EBF3: variants seen among roughly 807,000 people sequenced by gnomAD.
The protein encoded by EBF3 is transcription factor COE3.
A neutral mutation model predicts 77.1 loss-of-function variants in EBF3; 18 were observed. The ratio of observed to expected loss-of-function variants is 0.23; its 90% CI spans 0.16 to 0.35. The LOEUF is 0.35. EBF3 is among the 10% of genes least tolerant of loss of function. The probability of loss-of-function intolerance (pLI) is 1.00; values close to 1 mark genes in which losing one functional copy is unlikely to be tolerated. For missense variants in EBF3, 558 were observed against 860.0 expected, an observed-to-expected ratio of 0.65 and a Z score of 4.39; for synonymous variants, 350 against 343.5, an observed-to-expected ratio of 1.02 and a Z score of -0.21.
At position 129,942,673 on chromosome 10, in the gene EBF3, C is replaced by T. The variant is rs533162633; in HGVS notation, c.554+14585G>A. On this transcript the variant is annotated intron_variant, in intron 6 of 16. Transcript: ENST00000440978. ...CCTCTCTGCTCTTTTACGCATGCCA[C>T]GATCACATTTATTTCTTCTAAATAA... Among the ~76,000 whole-genome samples, 7 of 152,312 alleles carry T rather than the reference C, an allele frequency of 4.6e-5. No individual in the cohort carries two copies. The East Asian group carries it at 5.8e-4, about 13-fold the overall frequency.
chr10:129,936,323 C>T (rs551885985), intron 6 of EBF3, among the ~76,000 whole-genome samples: 1 of 152,168 alleles, frequency 6.6e-6, no homozygotes, highest in Non-Finnish European at 1.5e-5. Flanking sequence ...CTGTCTCTGG[C>T]TCAGAGTCAT....
intron 6 of EBF3, among the ~76,000 whole-genome samples, chr10:129,909,791 G>A (rs551533542): frequency 6.6e-6 from 1 of 152,292 alleles, no homozygotes; most frequent in Admixed American, 6.5e-5. Flanking sequence ...GAACAGCAGC[G>A]CCCACCCCTG....
At position 129,935,988 on chromosome 10, in the gene EBF3, C is replaced by T. The variant is rs546347983; in HGVS notation, c.554+21270G>A. ...GGGCTTCCTGAAGCTGCCCCCCCCG[C>T]CCAACAATGCAGCTGGTGCCCAGGG... On this transcript the variant is annotated intron_variant, in intron 6 of 16. Coordinates refer to ENST00000440978, the MANE Select transcript of EBF3 (RefSeq NM_001375380.1). This position sits in a 1 kb window ranked among gnomAD's most constrained non-coding sequence, Gnocchi z 4.2. Among the ~76,000 whole-genome samples the T allele has an allele frequency of 7.2e-6, 1 of 138,236 alleles. No individual in the cohort carries two copies. Among genetic ancestry groups the T allele is most frequent in the African/African-American group, 3.4e-5 (1 of 29,442 alleles). The allele number at this position is 138,236 out of a possible 152,430, so 90.7% of individuals were successfully genotyped here. A position where few individuals can be genotyped will look rare whatever the true frequency, so the allele number is the denominator to read the frequency against.
chr10:129,908,212 C>A lies in EBF3; in HGVS notation c.555-30363G>T, dbSNP rs113613839. On this transcript the variant is annotated intron_variant, in intron 6 of 16. Transcript: ENST00000440978. ...AAAACCCAAAGCACATATTTTATAC[C>A]GCCTGGCTTTATTAATTCTAAGCCC... Among the ~76,000 whole-genome samples the A allele has an allele frequency of 4.9e-3, 748 of 152,220 alleles. 3 individuals are homozygous for A. Among genetic ancestry groups the A allele is most frequent in the Admixed American group, 0.012 (188 of 15,296 alleles).
chr10:129,858,081 T>C (rs1589720214), intron 10 of EBF3, among the ~76,000 whole-genome samples: 1 of 152,318 alleles, frequency 6.6e-6, no homozygotes, highest in African/African-American at 2.4e-5. Flanking sequence ...CTCGGGCACG[T>C]GGCAGGTGTT....
At position 129,842,167 on chromosome 10, in the gene EBF3, T is replaced by C. The variant is rs1260917947; in HGVS notation, c.1321A>G (p.Ser441Gly). 1 of 1,614,256 alleles carries C rather than the reference T, an allele frequency of 6.2e-7. No homozygotes were observed. ...GACACGTTGACGGCTAGCTGGCTGC[T>C]GAAGGAGTTGACGCCCATCATGCCC... ...HTGMMGVNSF[S>G]SQLAVNVSET... is the part of the protein sequence containing the mutation. Residue 441 changes from serine (S) to glycine (G), a missense_variant, in exon 13 of 17, where the codon AGC becomes GGC. Around this residue, in one of 5 missense-constraint regions of EBF3, gnomAD observed 284 missense variants for 368.3 expected, o/e 0.77. Coordinates refer to ENST00000440978, the MANE Select transcript of EBF3 (RefSeq NM_001375380.1). The surrounding 1 kb of genome is among the most constrained non-coding windows in gnomAD (Gnocchi z 4.4).
intron 6 of EBF3, among the ~76,000 whole-genome samples, chr10:129,888,014 A>G (rs998231817): frequency 4.6e-5 from 7 of 152,132 alleles, no homozygotes; most frequent in African/African-American, 1.4e-4. Flanking sequence ...TTTTTCTCCA[A>G]TTGTTCAAAC....
rs192763945 is a variant in EBF3, at chr10:129,856,941, G to A, written c.1040-8461C>T. Among the ~76,000 whole-genome samples the A allele has an allele frequency of 3.0e-3, 450 of 152,230 alleles. 3 individuals carry two copies. Among genetic ancestry groups the A allele is most frequent in the African/African-American group, 0.01 (422 of 41,514 alleles). On this transcript the variant is annotated intron_variant, in intron 10 of 16. Coordinates refer to ENST00000440978, the MANE Select transcript of EBF3 (RefSeq NM_001375380.1). ...TACTAAGGAAATATCTTCCAGGGCC[G>A]GAGTGCCGTTTAGAATAAAGATGTG...
intron 6 of EBF3, among the ~76,000 whole-genome samples, chr10:129,906,011 G>C (rs904152511): frequency 6.6e-6 from 1 of 152,198 alleles, no homozygotes; most frequent in Non-Finnish European, 1.5e-5. Context: ...GAAAAGAATG[G>C]TGAATAAAAG....
At chr10:129,883,726 A>G (rs555245517) in intron 6 of EBF3, among the ~76,000 whole-genome samples, 49 of 138,396 alleles carry the variant, frequency 3.5e-4, no homozygotes, top group African/African-American at 1.3e-3. Flanking sequence ...CAGTTTTAAA[A>G]GTCACCGTTC....
At chr10:129,948,796 T>C (rs1043916150) in intron 6 of EBF3, among the ~76,000 whole-genome samples, 20 of 152,226 alleles carry the variant, frequency 1.3e-4, no homozygotes, top group African/African-American at 4.6e-4. Flanking sequence ...GGGTGCCTGT[T>C]GCTGGTGTGG....
rs1342552263 is a variant in EBF3, at chr10:129,870,737, G to A, written c.781+2715C>T. Among the ~76,000 whole-genome samples the A allele has an allele frequency of 2.6e-5, 4 of 152,168 alleles. No homozygotes were observed. The highest frequency in any genetic ancestry group is 1.3e-4 in the Admixed American group (2 of 15,278). ...ATGGCTGGGATGAGCATGTCAAAAC[G>A]GGAGCGTGACTCAACTTGGAAACCC... On this transcript the variant is annotated intron_variant, in intron 8 of 16. Transcript: ENST00000440978. The surrounding 1 kb of genome is among the most constrained non-coding windows in gnomAD (Gnocchi z 4.4).
intron 6 of EBF3, among the ~76,000 whole-genome samples, chr10:129,919,913 C>G (rs1856150551): frequency 6.6e-6 from 1 of 152,190 alleles, no homozygotes; most frequent in African/African-American, 2.4e-5. Context: ...CTTAATCAAT[C>G]AGACAGAACA....
chr10:129,927,807 G>A (rs1006673453), intron 6 of EBF3, among the ~76,000 whole-genome samples: 14 of 152,194 alleles, frequency 9.2e-5, no homozygotes, highest in African/African-American at 3.4e-4. Context: ...TGCTATGTAA[G>A]CAGCTCTCCT....
At chr10:129,877,223 G>T (rs1054216152) in intron 7 of EBF3, among the ~76,000 whole-genome samples, 2 of 152,104 alleles carry the variant, frequency 1.3e-5, no homozygotes, top group African/African-American at 2.4e-5. Flanking sequence ...GGGCACGGTG[G>T]CTCACGCCTG....
rs576891691 is a variant in EBF3, at chr10:129,871,137, C to T, written c.781+2315G>A. ...TGTCCTTATTGCATAAACCTAACCGCATTACGGCACTTGGCATGCAAATCG... is the reference window on the plus strand; with the variant it reads ...TGTCCTTATTGCATAAACCTAACCGTATTACGGCACTTGGCATGCAAATCG... On this transcript the variant is annotated intron_variant, in intron 8 of 16. Coordinates refer to ENST00000440978, the MANE Select transcript of EBF3 (RefSeq NM_001375380.1). Among the ~76,000 whole-genome samples, 4 of 152,304 alleles carry T rather than the reference C, an allele frequency of 2.6e-5. No homozygotes were observed. In the South Asian group the frequency reaches 8.3e-4, roughly 32 times the overall value.
intron 6 of EBF3, among the ~76,000 whole-genome samples, chr10:129,939,643 G>A (rs755616465): frequency 6.6e-6 from 1 of 152,148 alleles, no homozygotes; most frequent in Non-Finnish European, 1.5e-5. Flanking sequence ...CCACCCCGGG[G>A]CCATCATTCT....
chr10:129,917,651 C>CAAAAAAAAAAAAAAAAAAAAAAAA lies in EBF3; in HGVS notation c.554+39583_554+39606dup, dbSNP rs71481019. Among the ~76,000 whole-genome samples the CAAAAAAAAAAAAAAAAAAAAAAAA allele has an allele frequency of 1.2e-3, 28 of 23,596 alleles. 5 individuals carry two copies. The highest frequency in any genetic ancestry group is 1.9e-3 in the African/African-American group (10 of 5,336). The allele number at this position is 23,596 out of a possible 152,430, so 15.5% of individuals were successfully genotyped here. A position where few individuals can be genotyped will look rare whatever the true frequency, so the allele number is the denominator to read the frequency against. On this transcript the variant is annotated intron_variant, in intron 6 of 16. Transcript: ENST00000440978. The stretch of plus-strand genomic sequence containing the variant: ...TGGGCACCACAGCAAGACCCTGCCT[C>CAAAAAAAAAAAAAAAAAAAAAAAA]AAAAAAAAAAAAAAAAAAAAAAAAA...
chr10:129,847,817 A>G (rs563282216), intron 11 of EBF3, among the ~76,000 whole-genome samples: 4 of 152,382 alleles, frequency 2.6e-5, no homozygotes, highest in African/African-American at 9.6e-5. Flanking sequence ...GTGTGCATAA[A>G]CAACGCGGGC....
Sources: gnomAD v4.1 joint callset for allele counts (sites outside exome capture counted in the v4.1 genomes callset) on GRCh38, gnomAD v4.1.1 for gene constraint, gnomAD v4.1.1 regional missense constraint, Gnocchi (gnomAD v3.1) non-coding constraint, MANE v1.5 for transcripts, NCBI Gene and HGNC (gene_info 2026-07-23, HGNC 2026-07-21) for gene names.